PTPRT: variants seen among roughly 807,000 people sequenced by gnomAD.
PTPRT encodes the protein protein tyrosine phosphatase receptor type T.
In PTPRT, 56 loss-of-function variants were observed where a neutral mutation model predicts 176.8. The observed-to-expected ratio is 0.32, with a 90% CI of 0.26 to 0.40. PTPRT has a LOEUF of 0.40. Ranked by LOEUF, PTPRT falls within the 10% of genes least tolerant of loss-of-function variation. The pLI is 1.00. For missense variants in PTPRT, 1,540 were observed against 1,908.2 expected (o/e 0.81, Z 3.60); for synonymous variants, 783 against 739.0 (o/e 1.06, Z -0.96).
intron 7 of PTPRT, among the ~76,000 whole-genome samples, chr20:42,664,165 G>T (rs528502654): frequency 6.6e-6 from 1 of 152,052 alleles, no homozygotes; most frequent in Non-Finnish European, 1.5e-5. Flanking sequence ...TTTTTAATAC[G>T]CTTTTTGCTA....
intron 8 of PTPRT, among the ~76,000 whole-genome samples, chr20:42,461,887 T>C (rs1176870213): frequency 2.0e-5 from 3 of 151,960 alleles, no homozygotes; most frequent in Non-Finnish European, 4.4e-5. Flanking sequence ...TTTTTTAATC[T>C]TTTTAAAGAT....
chr20:42,564,971 G>C (rs2073014608), intron 7 of PTPRT, among the ~76,000 whole-genome samples: 1 of 152,076 alleles, frequency 6.6e-6, no homozygotes, highest in South Asian at 2.1e-4. Flanking sequence ...AATCTCCTGA[G>C]GATACTGAGG....
chr20:42,980,595 T>G (rs1325646343), intron 1 of PTPRT, among the ~76,000 whole-genome samples: 1 of 152,226 alleles, frequency 6.6e-6, no homozygotes, highest in Non-Finnish European at 1.5e-5. Flanking sequence ...CCCACCCTAC[T>G]GCAGCCTGTA....
rs374277497 is a variant in PTPRT at position 42,846,028 on chromosome 20, G to T, written c.214+39779C>A. Among the ~76,000 whole-genome samples, 22 of 152,202 alleles carry T rather than the reference G, an allele frequency of 1.4e-4. No individual in the cohort carries two copies. The East Asian group carries it at 2.7e-3, about 19-fold the overall frequency. ...TGAGCATCCTGCAGCCCCCAGGGACGCTACAAGGCAGCTGAGGGCCTCAAA... is the reference window on the plus strand; with the variant it reads ...TGAGCATCCTGCAGCCCCCAGGGACTCTACAAGGCAGCTGAGGGCCTCAAA... On this transcript the variant is annotated intron_variant, in intron 2 of 30. Coordinates refer to ENST00000373187, the MANE Select transcript of PTPRT (RefSeq NM_007050.6).
At chr20:42,609,718 G>A (rs867765136) in intron 7 of PTPRT, among the ~76,000 whole-genome samples, 52 of 152,188 alleles carry the variant, frequency 3.4e-4, no homozygotes, top group African/African-American at 1.0e-3. Flanking sequence ...CAAGGAACAG[G>A]GCGGCCCAGG....
intron 9 of PTPRT, among the ~76,000 whole-genome samples, chr20:42,409,481 C>CAAAAAAAAAAAAA (rs58932390): frequency 5.3e-5 from 6 of 112,168 alleles, no homozygotes; most frequent in South Asian, 3.1e-4. Flanking sequence ...GACTCTGTCG[C>CAAAAAAAAAAAAA]AAAAAAAAAA....
chr20:42,908,662 T>C (rs1344741555), intron 1 of PTPRT, among the ~76,000 whole-genome samples: 3 of 152,318 alleles, frequency 2.0e-5, no homozygotes, highest in Admixed American at 6.5e-5. Context: ...ATTGTTTATA[T>C]AGAGTCATGT....
rs371958037 is a variant in PTPRT at position 42,344,011 on chromosome 20, TGC to T, written c.1865+6615_1865+6616del. 2.9e-4 allele frequency among the ~76,000 whole-genome samples: 44 copies of T among 152,348 alleles called. No individual in the cohort carries two copies. The East Asian group carries it at 5.4e-3, about 19-fold the overall frequency. ...GCCTACTGGGTTCAAGTGATTCTAGTGCCTCAGCCTCTCAACTAGCTGGAATT... is the reference window on the plus strand; with the variant it reads ...GCCTACTGGGTTCAAGTGATTCTAGTCTCAGCCTCTCAACTAGCTGGAATT... On this transcript the variant is annotated intron_variant, in intron 11 of 30. Transcript: ENST00000373187.
At chr20:42,303,987 T>G (rs1193364775) in intron 12 of PTPRT, among the ~76,000 whole-genome samples, 1 of 152,212 alleles carries the variant, frequency 6.6e-6, no homozygotes, top group African/African-American at 2.4e-5. Context: ...TCTCTTCAAC[T>G]GTGTAGCCCA....
chr20:42,113,605 A>C (rs2146305216), intron 22 of PTPRT, among the ~76,000 whole-genome samples: 1 of 152,344 alleles, frequency 6.6e-6, no homozygotes, highest in African/African-American at 2.4e-5. Flanking sequence ...ACTCTGTGGC[A>C]TAGTTTATCC....
intron 1 of PTPRT, among the ~76,000 whole-genome samples, chr20:43,000,671 G>A (rs978489858): frequency 6.6e-6 from 1 of 151,924 alleles, no homozygotes; most frequent in Non-Finnish European, 1.5e-5. Flanking sequence ...GAATGCAGAA[G>A]TACATGACAG....
intron 1 of PTPRT, among the ~76,000 whole-genome samples, chr20:43,125,384 C>G (rs2013403154): frequency 6.6e-6 from 1 of 152,158 alleles, no homozygotes; most frequent in African/African-American, 2.4e-5. Flanking sequence ...AATACCTGTA[C>G]ACAAGCACTT....
chr20:42,217,376 T>TACACACACACACACACAC (rs71335847), intron 15 of PTPRT, among the ~76,000 whole-genome samples: 2 of 104,374 alleles, frequency 1.9e-5, no homozygotes, highest in East Asian at 5.6e-4. Flanking sequence ...CTCTCAAACA[T>TACACACACACACACACAC]ACACACACAC....
At chr20:42,348,287 C>G (rs376102833) in intron 11 of PTPRT, among the ~76,000 whole-genome samples, 115 of 152,268 alleles carry the variant, frequency 7.6e-4, no homozygotes, top group African/African-American at 2.7e-3. Flanking sequence ...CTACACCCAC[C>G]CTCAATGCTC....
chr20:42,239,028 T>A (rs2056300226), intron 14 of PTPRT, among the ~76,000 whole-genome samples: 1 of 152,196 alleles, frequency 6.6e-6, no homozygotes. Context: ...ATTCCATTAA[T>A]CTAAATTGAT....
At chr20:42,302,060 G>A (rs968886246) in intron 12 of PTPRT, among the ~76,000 whole-genome samples, 2 of 152,154 alleles carry the variant, frequency 1.3e-5, no homozygotes, top group African/African-American at 4.8e-5. Flanking sequence ...CAACATGAGT[G>A]ACATTGGGTA....
At chr20:42,152,762 C>T (rs537017803) in intron 17 of PTPRT, among the ~76,000 whole-genome samples, 1 of 152,338 alleles carries the variant, frequency 6.6e-6, no homozygotes, top group East Asian at 1.9e-4. Context: ...AGACCAGCAA[C>T]TCTCCTCTAA....
intron 1 of PTPRT, among the ~76,000 whole-genome samples, chr20:43,066,998 C>T (rs973474832): frequency 7.9e-5 from 12 of 152,172 alleles, no homozygotes; most frequent in Admixed American, 2.6e-4. Context: ...TTGCTGAGCC[C>T]TGTTCTGCAG....
At chr20:42,678,897 G>A (rs1486129068) in intron 6 of PTPRT, among the ~76,000 whole-genome samples, 2 of 152,196 alleles carry the variant, frequency 1.3e-5, no homozygotes, top group Admixed American at 6.5e-5. Flanking sequence ...CACACAGATT[G>A]TTAGTGAAGT....
Sources: allele counts gnomAD v4.1 joint callset (sites outside exome capture counted in the v4.1 genomes callset), GRCh38; gene constraint gnomAD v4.1.1; transcripts MANE v1.5; gene names NCBI Gene and HGNC (gene_info 2026-07-23, HGNC 2026-07-21).